CHDH: variants seen among roughly 807,000 people sequenced by gnomAD.
The protein encoded by CHDH is choline dehydrogenase.
Under a neutral mutation model 56.9 loss-of-function variants are expected in CHDH, and 43 were observed. The observed-to-expected ratio is 0.76, with a 90% CI of 0.59 to 0.97. The LOEUF (loss-of-function observed/expected upper bound fraction) is 0.97, where lower values mean the gene tolerates loss of function less well. CHDH is among the 50% of genes least tolerant of loss of function. The pLI is 0.00. For synonymous variants in CHDH, 364 were observed against 348.5 expected (o/e 1.04, Z -0.50); for missense variants, 816 against 821.1 (o/e 0.99, Z 0.08).
Position 53,823,548 on chromosome 3 carries a change from C to T in CHDH, c.461G>A (p.Gly154Asp). ...AEDYERWQRQ[G>D]ARGWDYAHCL... ...GTGCGCGTAGTCCCAGCCGCGGGCG[C>T]CCTGGCGCTGCCAGCGCTCGTAGTC... Residue 154 changes from glycine (G) to aspartate (D), a missense_variant, in exon 3 of 9, where the codon GGC (glycine) becomes GAC (aspartate). Transcript: ENST00000315251. The T allele has an allele frequency of 1.3e-6, 2 of 1,542,464 alleles. No homozygotes were observed. Among genetic ancestry groups the T allele is most frequent in the Non-Finnish European group, 1.7e-6 (2 of 1,146,078 alleles).
At chr3:53,845,099 T>A (rs1376190575) in intron 1 of CHDH, among the ~76,000 whole-genome samples, 1 of 152,204 alleles carries the variant, frequency 6.6e-6, no homozygotes, top group Admixed American at 6.5e-5. Context: ...CCAAAGCAAC[T>A]CAGAGAGGTG....
Position 53,817,721 on chromosome 3 carries a change from C to A in CHDH, c.*56G>T. 1 of 1,468,908 alleles carries A rather than the reference C, an allele frequency of 6.8e-7. No individual in the cohort carries two copies. The highest frequency in any genetic ancestry group is 9.2e-7 in the Non-Finnish European group (1 of 1,085,148). The allele number at this position is 1,468,908 out of a possible 1,614,324, so 91.0% of individuals were successfully genotyped here. On this transcript the variant is annotated 3_prime_UTR_variant, in exon 9 of 9. Coordinates refer to ENST00000315251, the MANE Select transcript of CHDH (RefSeq NM_018397.5). ...CAGGAGCCTGGGAGCAAGGGCTGTGCTGGCCCTCTTGGCTTATCAGGGGGC... is the reference window on the plus strand; with the variant it reads ...CAGGAGCCTGGGAGCAAGGGCTGTGATGGCCCTCTTGGCTTATCAGGGGGC...
chr3:53,839,528 T>C (rs1280372252), intron 2 of CHDH, among the ~76,000 whole-genome samples: 1 of 152,252 alleles, frequency 6.6e-6, no homozygotes, highest in Non-Finnish European at 1.5e-5. Flanking sequence ...TGTCAAGATA[T>C]CATTATTTGT....
At chr3:53,827,484 TA>T (rs373739773) in intron 2 of CHDH, among the ~76,000 whole-genome samples, 4 of 150,068 alleles carry the variant, frequency 2.7e-5, no homozygotes, top group Non-Finnish European at 3.0e-5. Flanking sequence ...ATACCATCTC[TA>T]AAAAAAAATA....
chr3:53,823,751 C>T lies in CHDH; in HGVS notation c.258G>A (p.Trp86Ter). 1 of 1,557,412 alleles carries T rather than the reference C, an allele frequency of 6.4e-7. No homozygotes were observed. The highest frequency in any genetic ancestry group is 8.7e-7 in the Non-Finnish European group (1 of 1,152,032). Residue 86 changes from tryptophan to a stop codon, truncating the protein, a stop_gained, in exon 3 of 9, where the codon TGG becomes TGA. Coordinates refer to ENST00000315251, the MANE Select transcript of CHDH (RefSeq NM_018397.5). LOFTEE classifies it high-confidence loss of function. ...CCAGGGCCGCGGGCATGTGGATCTTCCACGAGAGCCGCTTGCTCCCCGCGA... is the reference window on the plus strand; with the variant it reads ...CCAGGGCCGCGGGCATGTGGATCTTTCACGAGAGCCGCTTGCTCCCCGCGA... ...DVLAGSKRLS[W>*]KIHMPAALVA...
intron 1 of CHDH, among the ~76,000 whole-genome samples, chr3:53,842,338 C>G (rs1357460302): frequency 6.6e-6 from 1 of 152,060 alleles, no homozygotes; most frequent in Non-Finnish European, 1.5e-5. Context: ...TATCATGGAT[C>G]AAAAAATATA....
chr3:53,841,684 A>G (rs1698673641), intron 1 of CHDH, among the ~76,000 whole-genome samples: 1 of 152,210 alleles, frequency 6.6e-6, no homozygotes, highest in East Asian at 1.9e-4. Flanking sequence ...CTTTGTATCA[A>G]CTGGAAATCA....
chr3:53,832,458 G>C (rs966922616), intron 2 of CHDH, among the ~76,000 whole-genome samples: 1 of 152,034 alleles, frequency 6.6e-6, no homozygotes, highest in African/African-American at 2.4e-5. Flanking sequence ...TGTGAACCCA[G>C]GAGGCGGAGC....
At chr3:53,822,700 G>GA (rs765273459) in intron 3 of CHDH, 58 bp from the exon 4 acceptor site, 361 of 1,570,034 alleles carry the variant, frequency 2.3e-4, no homozygotes, top group Non-Finnish European at 2.8e-4. Flanking sequence ...CACCTGGGCA[G>GA]GAGGAAGGAG....
At chr3:53,831,321 G>A (rs981386361) in intron 2 of CHDH, among the ~76,000 whole-genome samples, 1 of 152,238 alleles carries the variant, frequency 6.6e-6, no homozygotes, top group Non-Finnish European at 1.5e-5. Context: ...ATCTGCCCGG[G>A]GCCTGGGGAA....
chr3:53,828,818 C>T (rs1698238826), intron 2 of CHDH, among the ~76,000 whole-genome samples: 1 of 152,184 alleles, frequency 6.6e-6, no homozygotes, highest in Non-Finnish European at 1.5e-5. Flanking sequence ...ATGGTACAGC[C>T]ACTTTGGAAG....
intron 1 of CHDH, chr3:53,844,654 A>G (rs1242496405): frequency 6.6e-6 from 1 of 152,624 alleles, no homozygotes; most frequent in African/African-American, 2.4e-5. Flanking sequence ...GCCCTGGCAC[A>G]CAACTGAAAA....
intron 2 of CHDH, among the ~76,000 whole-genome samples, chr3:53,828,462 C>T (rs1253659927): frequency 6.6e-6 from 1 of 152,180 alleles, no homozygotes; most frequent in Non-Finnish European, 1.5e-5. Context: ...AATTAATAGA[C>T]AAGTCACAGA....
rs2095632003 is a variant in CHDH at position 53,823,427 on chromosome 3, G to T, written c.582C>A (p.Thr194=). 2.5e-6 allele frequency: 4 copies of T among 1,585,668 alleles called. No individual in the cohort carries two copies. Among genetic ancestry groups the T allele is most frequent in the African/African-American group, 1.3e-5 (1 of 74,104 alleles). ...GGAATGCGCAGTGCAGCGGGTGGTTGGTCTTGCCCCGGGACACCCGCAGCG... is the reference window on the plus strand; with the variant it reads ...GGAATGCGCAGTGCAGCGGGTGGTTTGTCTTGCCCCGGGACACCCGCAGCG... ...DGPLRVSRGK[T]NHPLHCAFLE... is the part of the protein sequence containing the mutation. The change falls in exon 3 of 9, where the codon ACC becomes ACA. Residue 194 remains threonine (T), a synonymous_variant. Transcript: ENST00000315251.
In CHDH at chr3:53,819,197, G is replaced by A. The variant is rs1412610183; in HGVS notation, c.1264-157C>T. Among the ~76,000 whole-genome samples, 1 of 152,154 alleles carries A rather than the reference G, an allele frequency of 6.6e-6. No individual in the cohort carries two copies. Among genetic ancestry groups the A allele is most frequent in the Admixed American group, 6.5e-5 (1 of 15,286 alleles). On this transcript the variant is annotated intron_variant, in intron 7 of 8. Transcript: ENST00000315251. This position sits in a 1 kb window ranked among gnomAD's most constrained non-coding sequence, Gnocchi z 5.4. Reference sequence around the variant, plus strand: ...GCCCGCATGGTACCCACCTCCACGAGTGATTACAGACCACCTCAAGGAATC... The same window carrying A: ...GCCCGCATGGTACCCACCTCCACGAATGATTACAGACCACCTCAAGGAATC...
intron 2 of CHDH, among the ~76,000 whole-genome samples, chr3:53,837,000 T>C (rs145126005): frequency 2.0e-5 from 3 of 152,282 alleles, no homozygotes; most frequent in Admixed American, 6.5e-5. Context: ...CTGGGCAACA[T>C]AGCAAAACCC....
At chr3:53,837,798 C>A (rs1220789371) in intron 2 of CHDH, among the ~76,000 whole-genome samples, 1 of 152,094 alleles carries the variant, frequency 6.6e-6, no homozygotes, top group Non-Finnish European at 1.5e-5. Flanking sequence ...TGGCTCACAT[C>A]TGTAATCCCA....
At chr3:53,845,763 C>T (rs1698852680) in intron 1 of CHDH, among the ~76,000 whole-genome samples, 1 of 152,228 alleles carries the variant, frequency 6.6e-6, no homozygotes. Flanking sequence ...CTGACGGCTT[C>T]CGCTTTGGGA....
Position 53,818,924 on chromosome 3 carries a change from G to T in CHDH, c.1366+14C>A, listed in dbSNP as rs765036672. ...GTTTGTTCAAGCCCAGGAAGACACA[G>T]GTGGGTGAAGTACCTGTTGACAAGT... is the stretch of plus-strand genomic sequence containing the variant. On this transcript the variant is annotated intron_variant, in intron 8 of 8. Transcript: ENST00000315251. 6.5e-7 allele frequency: 1 copy of T among 1,530,024 alleles called. No homozygotes were observed. The highest frequency in any genetic ancestry group is 9.1e-7 in the Non-Finnish European group (1 of 1,103,146). The allele number at this position is 1,530,024 out of a possible 1,614,324, so 94.8% of individuals were successfully genotyped here.
Sources: allele counts gnomAD v4.1 joint callset (sites outside exome capture counted in the v4.1 genomes callset), GRCh38; gene constraint gnomAD v4.1.1; non-coding constraint Gnocchi (gnomAD v3.1); transcripts MANE v1.5; gene names NCBI Gene and HGNC (gene_info 2026-07-23, HGNC 2026-07-21).